The following BRWD1 variants were observed in gnomAD, a reference collection of about 807,000 sequenced individuals.
BRWD1 encodes bromodomain and WD repeat domain containing 1, also known as bromodomain and WD repeat-containing protein 1.
Under a neutral mutation model 251.2 loss-of-function variants are expected in BRWD1, and 82 were observed. The ratio of observed to expected loss-of-function variants is 0.33; its 90% CI spans 0.27 to 0.39. The LOEUF (loss-of-function observed/expected upper bound fraction) is 0.39. Among genes scored for constraint, BRWD1 ranks in the 10% least tolerant of loss-of-function variants. BRWD1 has a pLI of 1.00. For synonymous variants in BRWD1, 918 were observed against 902.8 expected (o/e 1.02, Z -0.30); for missense variants, 2,233 against 2,711.6 (o/e 0.82, Z 3.92).
At chr21:39,222,630 C>T (rs2033222625) in intron 29 of BRWD1, among the ~76,000 whole-genome samples, 2 of 152,054 alleles carry the variant, frequency 1.3e-5, no homozygotes, top group African/African-American at 4.8e-5. Context: ...AATCTGAGTA[C>T]ATACTAATAT....
chr21:39,210,753 A>G (rs2032620555), intron 35 of BRWD1, 33 bp downstream of exon 35: 3 of 1,564,468 alleles, frequency 1.9e-6, no homozygotes, highest in African/African-American at 1.4e-5. Context: ...CAAAACAAGA[A>G]AAGCCCCAAA....
Position 39,238,519 on chromosome 21 carries a change from T to C in BRWD1, c.2536A>G (p.Arg846Gly). Residue 846 changes from arginine to glycine, a missense_variant, in exon 22 of 41, where the codon AGA becomes GGA. Arg to Gly is a moderately radical substitution (Grantham distance 125). Transcript: ENST00000342449. ...TAACTCTCACTTTTTCTGTCACTTC[T>C]CCATTCATCCTCTTCTGAAGAACCA... is the stretch of plus-strand genomic sequence containing the variant. The part of the protein sequence containing the change: ...GSGSSEEDEW[R>G]SDRKSESYSE... 1 of 1,613,706 alleles carries C rather than the reference T, an allele frequency of 6.2e-7. No individual in the cohort carries two copies. Among genetic ancestry groups the C allele is most frequent in the Non-Finnish European group, 8.5e-7 (1 of 1,179,774 alleles).
Position 39,189,977 on chromosome 21 carries a change from G to A in BRWD1, c.*6282C>T, listed in dbSNP as rs751661689. On this transcript the variant is annotated 3_prime_UTR_variant, in exon 41 of 41. Transcript: ENST00000342449. ...GGGTTTACAAAGTCATTGAGTGCTT[G>A]AGGACTTGTTTTCCTGGAAGTGATT... is the stretch of plus-strand genomic sequence containing the variant. 341 of 985,250 alleles carry A rather than the reference G, an allele frequency of 3.5e-4. No individual in the cohort carries two copies. The highest frequency in any genetic ancestry group is 4.0e-4 in the Non-Finnish European group (334 of 829,914). The allele number at this position is 985,250 out of a possible 1,614,324, so 61.0% of individuals were successfully genotyped here. A position where few individuals can be genotyped will look rare whatever the true frequency, so the allele number is the denominator to read the frequency against.
chr21:39,313,150 T>A, intron 2 of BRWD1, 49 bp from the exon 3 acceptor site: 1 of 1,492,016 alleles, frequency 6.7e-7, no homozygotes, highest in Non-Finnish European at 8.9e-7. Flanking sequence ...CCCGGGGCGC[T>A]CCCGTTTCAC....
At chr21:39,218,764 C>A in intron 29 of BRWD1, 104 bp from the exon 30 acceptor site, 1 of 912,072 alleles carries the variant, frequency 1.1e-6, no homozygotes, top group Non-Finnish European at 1.5e-6. Context: ...TAGGTTATCT[C>A]CACAGTCAAA....
chr21:39,218,518 T>C lies in BRWD1; in HGVS notation c.3525A>G (p.Gln1175=). The change falls in exon 30 of 41, where the codon CAA becomes CAG. Residue 1175 remains glutamine, a synonymous_variant. Coordinates refer to ENST00000342449, the MANE Select transcript of BRWD1 (RefSeq NM_033656.4). ...TAAAAAACTTACCAAGATTCAAAAG[T>C]TGATCTATACCACTGATAATTCTAT... ...ECDRIISGID[Q]LLNLDIAAAF... The C allele has an allele frequency of 2.5e-6, 4 of 1,579,190 alleles. No homozygotes were observed. The highest frequency in any genetic ancestry group is 3.4e-6 in the Non-Finnish European group (4 of 1,171,082).
chr21:39,230,929 C>T (rs1233418642), intron 25 of BRWD1, among the ~76,000 whole-genome samples: 1 of 151,990 alleles, frequency 6.6e-6, no homozygotes, highest in Non-Finnish European at 1.5e-5. Context: ...TCTGAGAGTA[C>T]TGTTTGGGGG....
chr21:39,316,864 G>T (rs1206298087), upstream of BRWD1, among the ~76,000 whole-genome samples: 1 of 151,818 alleles, frequency 6.6e-6, no homozygotes, highest in African/African-American at 2.4e-5. Flanking sequence ...CTAGAGCCGG[G>T]GGGGATTGAC....
chr21:39,278,101 G>A (rs1042128303), intron 10 of BRWD1, among the ~76,000 whole-genome samples: 5 of 151,836 alleles, frequency 3.3e-5, no homozygotes, highest in Non-Finnish European at 7.4e-5. Context: ...CTCCCATCTC[G>A]GCCTCCCAAA....
At chr21:39,228,728 T>A (rs2033485292) in intron 26 of BRWD1, 146 bp from the exon 27 acceptor site, 4 of 543,224 alleles carry the variant, frequency 7.4e-6, no homozygotes, top group African/African-American at 1.9e-5. Context: ...AACAGTAAAC[T>A]TCATAGCATA....
chr21:39,283,154 C>T (rs1321064668), intron 8 of BRWD1, among the ~76,000 whole-genome samples: 1 of 152,132 alleles, frequency 6.6e-6, no homozygotes, highest in Admixed American at 6.6e-5. Flanking sequence ...ATATCTCCAG[C>T]ATGGCTAAAC....
Position 39,313,279 on chromosome 21 carries a change from G to T in BRWD1, c.70C>A (p.Arg24=). ...IESELYFLIA[R]YLSAGPCRRA... is the part of the protein sequence containing the mutation. ...CGACACGGGCCCGCCGATAGGTACCGGGCGATAAGGAAGTACAGCTCTGCG... is the reference window on the plus strand; with the variant it reads ...CGACACGGGCCCGCCGATAGGTACCTGGCGATAAGGAAGTACAGCTCTGCG... The change falls in exon 2 of 41, where the codon CGG becomes AGG. Residue 24 remains arginine (R), a synonymous_variant. Transcript: ENST00000342449. 1 of 1,561,526 alleles carries T rather than the reference G, an allele frequency of 6.4e-7. No homozygotes were observed. Among genetic ancestry groups the T allele is most frequent in the East Asian group, 2.4e-5 (1 of 41,290 alleles).
chr21:39,197,606 G>C (rs1048629815), intron 40 of BRWD1, among the ~76,000 whole-genome samples, 191 bp from the exon 41 acceptor site: 3 of 152,152 alleles, frequency 2.0e-5, no homozygotes, highest in Admixed American at 1.3e-4. Context: ...TGCATCGTTA[G>C]GCTATTTCGT....
chr21:39,247,975 C>G (rs1031414671), intron 20 of BRWD1, 143 bp from the exon 21 acceptor site: 1 of 982,518 alleles, frequency 1.0e-6, no homozygotes, highest in African/African-American at 1.7e-5. Flanking sequence ...TTTTGCCATA[C>G]AGTTTTAACT....
chr21:39,313,611 C>CGCG lies in BRWD1; in HGVS notation c.-121_-120insCGC. 1.2e-6 allele frequency: 1 copy of CGCG among 815,212 alleles called. No homozygotes were observed. Among genetic ancestry groups the CGCG allele is most frequent in the Non-Finnish European group, 1.6e-6 (1 of 609,846 alleles). The allele number at this position is 815,212 out of a possible 1,614,324, so 50.5% of individuals were successfully genotyped here. ...CGCGCGCCGCCGCCGCCGCCGCCGC[C>CGCG]GCCATACCGTGCGCGCCGCCTGGAC... On this transcript the variant is annotated 5_prime_UTR_variant, in exon 1 of 41. Transcript: ENST00000342449.
intron 4 of BRWD1, among the ~76,000 whole-genome samples, chr21:39,309,788 G>C (rs2036412763): frequency 7.3e-6 from 1 of 136,400 alleles, no homozygotes; most frequent in Non-Finnish European, 1.5e-5. Context: ...TCGCACCGCT[G>C]CACTCCAGCC....
At chr21:39,288,146 A>G (rs140321878) in intron 8 of BRWD1, among the ~76,000 whole-genome samples, 431 of 152,352 alleles carry the variant, frequency 2.8e-3, no homozygotes, top group African/African-American at 0.01. Context: ...AGAAGACATC[A>G]GTTATTACCA....
In BRWD1 at chr21:39,188,075, T is replaced by G. The variant is rs1450224453; in HGVS notation, c.*8184A>C. 1 of 985,424 alleles carries G rather than the reference T, an allele frequency of 1.0e-6. No homozygotes were observed. The highest frequency in any genetic ancestry group is 1.1e-4 in the East Asian group (1 of 8,808). The allele number at this position is 985,424 out of a possible 1,614,324, so 61.0% of individuals were successfully genotyped here. A position where few individuals can be genotyped will look rare whatever the true frequency, so the allele number is the denominator to read the frequency against. On this transcript the variant is annotated 3_prime_UTR_variant, in exon 41 of 41. Transcript: ENST00000342449. ...ACATGATGCCAGAGCTACTACTCCG[T>G]GCTGACCAAACTTAGGAGGGCTCAG...
At chr21:39,270,760 C>T (rs2035072313) in intron 13 of BRWD1, among the ~76,000 whole-genome samples, 1 of 152,198 alleles carries the variant, frequency 6.6e-6, no homozygotes, top group Non-Finnish European at 1.5e-5. Context: ...ATTGCTAACA[C>T]TTACTTTCAA....
Sources: allele counts gnomAD v4.1 joint callset (sites outside exome capture counted in the v4.1 genomes callset), GRCh38; gene constraint gnomAD v4.1.1; transcripts MANE v1.5; gene names NCBI Gene and HGNC (gene_info 2026-07-23, HGNC 2026-07-21).